DOCK3: variants seen among roughly 807,000 people sequenced by gnomAD.
The protein encoded by DOCK3 is dedicator of cytokinesis protein 3.
A neutral mutation model predicts 265.6 loss-of-function variants in DOCK3; 60 were observed. The ratio of observed to expected loss-of-function variants is 0.23; its 90% CI spans 0.18 to 0.28. The LOEUF is 0.28. Ranked by LOEUF, DOCK3 falls within the 10% of genes least tolerant of loss-of-function variation. The pLI is 1.00. For missense variants in DOCK3, 1,981 were observed against 2,594.3 expected (o/e 0.76, Z 5.14); for synonymous variants, 881 against 938.0 (o/e 0.94, Z 1.11).
Position 51,357,807 on chromosome 3 carries a change from A to T in DOCK3, c.4733A>T (p.Lys1578Met). The change falls in exon 45 of 53, where the codon AAG (lysine) becomes ATG (methionine). Residue 1578 changes from lysine to methionine, a missense_variant. This residue lies in a region of DOCK3 where 1,357 missense variants were observed against 1,866.8 expected (regional missense o/e 0.73). Coordinates refer to ENST00000266037, the MANE Select transcript of DOCK3 (RefSeq NM_004947.5). ...AACAAGCACCCAGGAGATGCTGAGA[A>T]GATCACCCAGCTCAAGGAGCTTATG... ...YINKHPGDAEKITQLKELMQE... is the reference protein window; with the variant it reads ...YINKHPGDAEMITQLKELMQE... 6.2e-7 allele frequency: 1 copy of T among 1,614,020 alleles called. No homozygotes were observed. The highest frequency in any genetic ancestry group is 8.5e-7 in the Non-Finnish European group (1 of 1,179,886).
chr3:51,089,888 G>C (rs1243187570), intron 8 of DOCK3, among the ~76,000 whole-genome samples: 3 of 117,418 alleles, frequency 2.6e-5, no homozygotes, highest in Non-Finnish European at 4.9e-5. Context: ...GACAGAGTGA[G>C]ACTCTGTCTC....
chr3:51,277,674 C>T lies in DOCK3; in HGVS notation c.2743C>T (p.Leu915=). The T allele has an allele frequency of 2.5e-6, 4 of 1,607,854 alleles. No homozygotes were observed. The highest frequency in any genetic ancestry group is 3.4e-6 in the Non-Finnish European group (4 of 1,177,380). ...CCTCCTGGACGTGCTCTTGCAGACT[C>T]TGCTCACCATCATGAGCAAATCGCA... ...ESLLDVLLQT[L]LTIMSKSHAQ... is the part of the protein sequence containing the mutation. The change falls in exon 26 of 53, where the codon CTG becomes TTG. Residue 915 remains leucine (L), a synonymous_variant. Coordinates refer to ENST00000266037, the MANE Select transcript of DOCK3 (RefSeq NM_004947.5).
At chr3:50,969,847 G>A (rs1023491856) in intron 5 of DOCK3, among the ~76,000 whole-genome samples, 6 of 152,226 alleles carry the variant, frequency 3.9e-5, no homozygotes, top group Middle Eastern at 3.4e-3. Flanking sequence ...CGAGGTGGGC[G>A]GATCACGAGG....
At chr3:50,827,259 T>C (rs1428275158) in intron 2 of DOCK3, among the ~76,000 whole-genome samples, 1 of 152,198 alleles carries the variant, frequency 6.6e-6, no homozygotes. Flanking sequence ...GCTATAACAA[T>C]ACTATAGGCT....
intron 1 of DOCK3, among the ~76,000 whole-genome samples, chr3:50,734,602 G>GGTTTT (rs1553642737): frequency 9.3e-6 from 1 of 107,372 alleles, no homozygotes; most frequent in East Asian, 3.0e-4. Context: ...TTTACAGTGA[G>GGTTTT]TTTTTTTTTT....
At chr3:51,338,486 G>A in intron 36 of DOCK3, 67 bp downstream of exon 36, 1 of 1,532,912 alleles carries the variant, frequency 6.5e-7, no homozygotes, top group Non-Finnish European at 8.8e-7. Context: ...ACTGTGATTG[G>A]CTTGGCCCTT....
At chr3:51,312,735 G>T in intron 30 of DOCK3, 109 bp from the exon 31 acceptor site, 1 of 1,318,378 alleles carries the variant, frequency 7.6e-7, no homozygotes. Context: ...TTAGCGCATT[G>T]GGAAGCATTA....
chr3:51,194,448 GTTTC>G (rs2088146104), intron 12 of DOCK3, among the ~76,000 whole-genome samples: 1 of 152,164 alleles, frequency 6.6e-6, no homozygotes, highest in Non-Finnish European at 1.5e-5. Context: ...TAAAGCCAAT[GTTTC>G]TTTGTTGATT....
intron 14 of DOCK3, among the ~76,000 whole-genome samples, chr3:51,222,973 C>G (rs1018005677): frequency 6.6e-6 from 1 of 152,190 alleles, no homozygotes; most frequent in South Asian, 2.1e-4. Context: ...ATGTCTCACT[C>G]TGTCACCCAG....
intron 5 of DOCK3, among the ~76,000 whole-genome samples, chr3:51,062,836 G>A (rs2081459049): frequency 1.3e-5 from 2 of 152,114 alleles, no homozygotes; most frequent in Admixed American, 6.6e-5. Context: ...CGTATGTGTT[G>A]GAAACAAATA....
chr3:51,181,594 A>G (rs1199638558), intron 12 of DOCK3, among the ~76,000 whole-genome samples: 2 of 152,198 alleles, frequency 1.3e-5, no homozygotes, highest in Non-Finnish European at 2.9e-5. Flanking sequence ...TCAGAAAGGC[A>G]TAATAGCCTA....
At chr3:51,084,237 A>G (rs1199724067) in intron 7 of DOCK3, among the ~76,000 whole-genome samples, 3 of 152,168 alleles carry the variant, frequency 2.0e-5, no homozygotes, top group Non-Finnish European at 2.9e-5. Context: ...CAGAAAGCTC[A>G]AATATCCCCA....
chr3:51,159,169 G>T lies in DOCK3; in HGVS notation c.829-75G>T. 2.1e-6 allele frequency: 3 copies of T among 1,442,294 alleles called. No individual in the cohort carries two copies. The South Asian group carries it at 3.5e-5, about 17-fold the overall frequency. 89.3% of individuals were successfully genotyped at this position (1,442,294 alleles called of 1,614,324 possible). A position where few individuals can be genotyped will look rare whatever the true frequency, so the allele number is the denominator to read the frequency against. On this transcript the variant is annotated intron_variant, in intron 10 of 52. Coordinates refer to ENST00000266037, the MANE Select transcript of DOCK3 (RefSeq NM_004947.5). ...CCTATAACATACAGTAAAAGCAAAT[G>T]ACTAGAGATTCAAAATGAATTTTTA...
At chr3:51,252,300 C>T (rs981641373) in intron 22 of DOCK3, among the ~76,000 whole-genome samples, 30 of 152,194 alleles carry the variant, frequency 2.0e-4, no homozygotes, top group African/African-American at 6.3e-4. Flanking sequence ...TAGCGTGATG[C>T]CTCCAGCTTT....
chr3:50,855,644 C>A (rs2046554310), intron 3 of DOCK3, among the ~76,000 whole-genome samples: 1 of 151,870 alleles, frequency 6.6e-6, no homozygotes, highest in Non-Finnish European at 1.5e-5. Flanking sequence ...TATTTGGATG[C>A]CTTTTATTTC....
intron 9 of DOCK3, among the ~76,000 whole-genome samples, chr3:51,140,238 C>G (rs1345828556): frequency 6.6e-6 from 1 of 152,088 alleles, no homozygotes; most frequent in African/African-American, 2.4e-5. Flanking sequence ...AATCCCATAC[C>G]ATTTAATAGT....
chr3:51,269,311 C>T (rs1382191602), intron 23 of DOCK3, among the ~76,000 whole-genome samples: 1 of 151,562 alleles, frequency 6.6e-6, no homozygotes, highest in Non-Finnish European at 1.5e-5. Context: ...TGTCTAAGTA[C>T]AGGATATTTT....
At chr3:51,058,771 T>C (rs1449439052) in intron 5 of DOCK3, among the ~76,000 whole-genome samples, 2 of 152,040 alleles carry the variant, frequency 1.3e-5, no homozygotes, top group Non-Finnish European at 2.9e-5. Flanking sequence ...TGCTATGGCT[T>C]CACATGGGAG....
intron 8 of DOCK3, 120 bp from the exon 9 acceptor site, chr3:51,090,110 T>C (rs1261587926): frequency 2.8e-5 from 33 of 1,160,256 alleles, no homozygotes; most frequent in Non-Finnish European, 3.7e-5. Context: ...ACATCTTCAG[T>C]TTCTCAAATA....
Sources: gnomAD v4.1 joint callset for allele counts (sites outside exome capture counted in the v4.1 genomes callset) on GRCh38, gnomAD v4.1.1 for gene constraint, gnomAD v4.1.1 regional missense constraint, MANE v1.5 for transcripts, NCBI Gene and HGNC (gene_info 2026-07-23, HGNC 2026-07-21) for gene names.